The following NAV3 variants were observed in gnomAD, a reference collection of about 807,000 sequenced individuals.
NAV3 encodes pore membrane and/or filament interacting like protein 1.
Under a neutral mutation model 244.7 loss-of-function variants are expected in NAV3, and 87 were observed. The observed-to-expected ratio is 0.36, with a 90% CI of 0.30 to 0.42. The LOEUF (loss-of-function observed/expected upper bound fraction) is 0.42, where lower values mean the gene tolerates loss of function less well. Ranked by LOEUF, NAV3 falls within the 20% of genes least tolerant of loss-of-function variation. NAV3 has a pLI of 1.00. For missense variants in NAV3, 2,663 were observed against 2,893.3 expected (o/e 0.92, Z 1.83); for synonymous variants, 1,126 against 1,042.2 (o/e 1.08, Z -1.55).
At chr12:78,020,977 T>G (rs1877055455) in intron 8 of NAV3, among the ~76,000 whole-genome samples, 1 of 152,258 alleles carries the variant, frequency 6.6e-6, no homozygotes, top group South Asian at 2.1e-4. Context: ...TGTGTTAGTT[T>G]GTGTCAAATA....
rs1032422090 is a variant in NAV3 at position 78,212,663 on chromosome 12, A to G, written c.*2146A>G. ...TGAGAAACACAGTCCAAACATGAGCATAAACAGAATTTCCTGCAATACATC... is the reference window on the plus strand; with the variant it reads ...TGAGAAACACAGTCCAAACATGAGCGTAAACAGAATTTCCTGCAATACATC... On this transcript the variant is annotated 3_prime_UTR_variant, in exon 40 of 40. Transcript: ENST00000397909. 6.5e-6 allele frequency: 1 copy of G among 152,672 alleles called. No homozygotes were observed. Among genetic ancestry groups the G allele is most frequent in the South Asian group, 2.1e-4 (1 of 4,832 alleles). 9.5% of individuals were successfully genotyped at this position (152,672 alleles called of 1,614,324 possible). A position where few individuals can be genotyped will look rare whatever the true frequency, so the allele number is the denominator to read the frequency against.
intron 2 of NAV3, among the ~76,000 whole-genome samples, chr12:77,691,325 T>TTG (rs1306572189): frequency 1.7e-4 from 2 of 11,680 alleles, no homozygotes; most frequent in African/African-American, 3.6e-4. Flanking sequence ...ATATAAGTAT[T>TTG]TGTGTATGTG....
intron 12 of NAV3, among the ~76,000 whole-genome samples, chr12:78,075,814 A>G (rs1953019212): frequency 6.6e-6 from 1 of 152,180 alleles, no homozygotes; most frequent in Non-Finnish European, 1.5e-5. Context: ...AATTATTTTC[A>G]TGACTACTAA....
intron 2 of NAV3, among the ~76,000 whole-genome samples, chr12:77,771,797 G>C (rs1373526459): frequency 2.0e-5 from 3 of 152,046 alleles, no homozygotes; most frequent in Non-Finnish European, 2.9e-5. Flanking sequence ...AGCATTAGGA[G>C]ATATACCTAA....
intron 2 of NAV3, among the ~76,000 whole-genome samples, chr12:77,806,566 G>A (rs981896728): frequency 6.6e-6 from 1 of 152,182 alleles, no homozygotes; most frequent in Non-Finnish European, 1.5e-5. Flanking sequence ...TGCATTTGCT[G>A]AAGAGTGTTT....
chr12:77,883,799 T>C (rs914186787), intron 1 of NAV3, among the ~76,000 whole-genome samples: 4 of 152,106 alleles, frequency 2.6e-5, no homozygotes, highest in Non-Finnish European at 5.9e-5. Flanking sequence ...GTTACTCTAT[T>C]GGTTTTTCTG....
chr12:77,817,078 T>G (rs904990004), intron 2 of NAV3, among the ~76,000 whole-genome samples: 1 of 152,234 alleles, frequency 6.6e-6, no homozygotes, highest in African/African-American at 2.4e-5. Flanking sequence ...CAATCTATTA[T>G]CCTCTTTCTA....
intron 2 of NAV3, among the ~76,000 whole-genome samples, chr12:77,813,567 A>G (rs912212618): frequency 2.0e-5 from 3 of 152,178 alleles, no homozygotes; most frequent in Admixed American, 2.0e-4. Context: ...CCCAGTAGCT[A>G]TATTTATACT....
At chr12:77,980,308 G>A (rs905392152) in intron 5 of NAV3, among the ~76,000 whole-genome samples, 17 of 152,086 alleles carry the variant, frequency 1.1e-4, no homozygotes, top group African/African-American at 3.1e-4. Flanking sequence ...GATTATGATT[G>A]TATTGATGAT....
intron 12 of NAV3, among the ~76,000 whole-genome samples, chr12:78,078,465 G>A (rs1389901570): frequency 2.3e-5 from 3 of 131,976 alleles, no homozygotes; most frequent in Non-Finnish European, 4.7e-5. Flanking sequence ...GCGGGATCTC[G>A]GCTCACCGCA....
intron 2 of NAV3, among the ~76,000 whole-genome samples, chr12:77,651,483 G>A (rs761021515): frequency 1.1e-4 from 17 of 151,930 alleles, no homozygotes; most frequent in Non-Finnish European, 2.4e-4. Context: ...TCATTTAATA[G>A]CCACAGGGAT....
At chr12:77,948,128 A>G (rs1266340838) in intron 3 of NAV3, among the ~76,000 whole-genome samples, 1 of 152,214 alleles carries the variant, frequency 6.6e-6, no homozygotes, top group Non-Finnish European at 1.5e-5. Context: ...TCTAATTTAC[A>G]AAGAAAAACA....
chr12:78,068,462 A>G (rs1484334469), intron 12 of NAV3, among the ~76,000 whole-genome samples: 3 of 150,962 alleles, frequency 2.0e-5, no homozygotes, highest in Non-Finnish European at 1.5e-5. Context: ...GTATAATGGT[A>G]TCTATTTCCA....
At chr12:77,901,448 G>A (rs777257960) in intron 1 of NAV3, among the ~76,000 whole-genome samples, 12 of 152,218 alleles carry the variant, frequency 7.9e-5, no homozygotes, top group Admixed American at 2.6e-4. Flanking sequence ...GGTGGCTCAC[G>A]CCTGGAATCC....
At chr12:77,718,566 G>C (rs1876468031) in intron 2 of NAV3, among the ~76,000 whole-genome samples, 2 of 152,080 alleles carry the variant, frequency 1.3e-5, no homozygotes, top group South Asian at 4.1e-4. Context: ...GGGGTCCTTT[G>C]TGGTTCCATA....
chr12:77,586,179 A>AAT (rs1555183847), intron 2 of NAV3, among the ~76,000 whole-genome samples: 70 of 151,864 alleles, frequency 4.6e-4, no homozygotes, highest in South Asian at 2.3e-3. Context: ...GAAAAAAAAA[A>AAT]TTGCTGTAAG....
intron 12 of NAV3, among the ~76,000 whole-genome samples, chr12:78,114,176 A>G (rs963870049): frequency 4.6e-5 from 7 of 152,150 alleles, no homozygotes; most frequent in Non-Finnish European, 8.8e-5. Context: ...CATTATCAGC[A>G]TGTTGGTCAA....
chr12:78,041,002 AAGAT>A (rs1386502232), intron 9 of NAV3, among the ~76,000 whole-genome samples: 3 of 152,214 alleles, frequency 2.0e-5, no homozygotes, highest in Non-Finnish European at 4.4e-5. Context: ...TTGGAAGTGA[AAGAT>A]AGAATTCTTT....
chr12:77,585,863 T>C (rs1270832403), intron 2 of NAV3, among the ~76,000 whole-genome samples: 4 of 152,172 alleles, frequency 2.6e-5, no homozygotes, highest in African/African-American at 9.7e-5. Context: ...TTTAAATGTC[T>C]ATTCTTAAAA....
Sources: allele counts gnomAD v4.1 joint callset (sites outside exome capture counted in the v4.1 genomes callset), GRCh38; gene constraint gnomAD v4.1.1; transcripts MANE v1.5; gene names NCBI Gene and HGNC (gene_info 2026-07-23, HGNC 2026-07-21).